The following WWOX variants were observed in gnomAD, a reference collection of about 807,000 sequenced individuals.
The protein encoded by WWOX is WW domain-containing oxidoreductase.
Under a neutral mutation model 46.2 loss-of-function variants are expected in WWOX, and 69 were observed. That is an observed-to-expected ratio of 1.49 (90% CI 1.23 to 1.82). The LOEUF (loss-of-function observed/expected upper bound fraction) is 1.82. Ranked by LOEUF, WWOX falls within the 40% of genes most tolerant of loss-of-function variation. The pLI is 0.00. For missense variants in WWOX, 919 were observed against 542.6 expected (o/e 1.69, Z -6.89); for synonymous variants, 359 against 202.6 (o/e 1.77, Z -6.56).
At chr16:78,338,966 T>C (rs1203295228) in intron 5 of WWOX, among the ~76,000 whole-genome samples, 1 of 121,184 alleles carries the variant, frequency 8.3e-6, no homozygotes, top group East Asian at 1.9e-4. Context: ...TTGGTCTTTA[T>C]ATATGTAGCT....
At chr16:78,732,714 T>C (rs1481429119) in intron 8 of WWOX, among the ~76,000 whole-genome samples, 2 of 152,108 alleles carry the variant, frequency 1.3e-5, no homozygotes, top group Non-Finnish European at 2.9e-5. Context: ...TTGACTCAAC[T>C]CCCTTGGTTA....
At chr16:78,541,935 G>A (rs1353412783) in intron 8 of WWOX, among the ~76,000 whole-genome samples, 1 of 142,666 alleles carries the variant, frequency 7.0e-6, no homozygotes, top group African/African-American at 2.6e-5. Context: ...GTAAGAATCA[G>A]TTGAGGACAG....
intron 5 of WWOX, among the ~76,000 whole-genome samples, chr16:78,297,747 AAG>A (rs1195525669): frequency 2.5e-4 from 38 of 152,190 alleles, no homozygotes; most frequent in Non-Finnish European, 5.9e-5. Context: ...TGGAATACAA[AAG>A]TCATGACCTG....
intron 8 of WWOX, among the ~76,000 whole-genome samples, chr16:78,464,575 G>A (rs2084028365): frequency 6.6e-6 from 1 of 152,160 alleles, no homozygotes; most frequent in African/African-American, 2.4e-5. Flanking sequence ...TTTCTAAAGG[G>A]TAAAGGTGCA....
intron 8 of WWOX, among the ~76,000 whole-genome samples, chr16:78,783,541 C>T (rs2050380656): frequency 6.6e-6 from 1 of 152,142 alleles, no homozygotes; most frequent in Non-Finnish European, 1.5e-5. Context: ...CCAGAATGGG[C>T]CTGTAAGAGG....
At chr16:79,207,832 C>A (rs2051570884) in intron 8 of WWOX, among the ~76,000 whole-genome samples, 1 of 151,932 alleles carries the variant, frequency 6.6e-6, no homozygotes, top group South Asian at 2.1e-4. Flanking sequence ...AACCTCTGTA[C>A]CCTTTCCTTT....
At chr16:78,482,459 GTGATC>G (rs2084518809) in intron 8 of WWOX, among the ~76,000 whole-genome samples, 1 of 152,126 alleles carries the variant, frequency 6.6e-6, no homozygotes, top group Admixed American at 6.5e-5. Context: ...CTCACTTCAG[GTGATC>G]TGACTGCCTT....
At chr16:78,864,226 A>T (rs1395473655) in intron 8 of WWOX, among the ~76,000 whole-genome samples, 1 of 152,000 alleles carries the variant, frequency 6.6e-6, no homozygotes, top group Admixed American at 6.6e-5. Flanking sequence ...TTGATGTTGG[A>T]TATCTGAAGA....
At chr16:78,908,401 G>C (rs187987550) in intron 8 of WWOX, among the ~76,000 whole-genome samples, 1 of 152,038 alleles carries the variant, frequency 6.6e-6, no homozygotes, top group Non-Finnish European at 1.5e-5. Flanking sequence ...TTAGCCAGGC[G>C]TAGTGGTAGG....
intron 8 of WWOX, among the ~76,000 whole-genome samples, chr16:78,821,450 T>C (rs1157518313): frequency 6.6e-6 from 1 of 152,170 alleles, no homozygotes; most frequent in East Asian, 1.9e-4. Context: ...ATAAAGTAGA[T>C]GAGTTTCAGG....
At chr16:78,600,110 T>C (rs2045585959) in intron 8 of WWOX, among the ~76,000 whole-genome samples, 1 of 151,728 alleles carries the variant, frequency 6.6e-6, no homozygotes, top group South Asian at 2.1e-4. Context: ...GCAGGGAAAC[T>C]CCCCCTTATA....
intron 8 of WWOX, among the ~76,000 whole-genome samples, chr16:78,961,365 G>C (rs539591969): frequency 6.6e-6 from 1 of 152,302 alleles, no homozygotes; most frequent in Non-Finnish European, 1.5e-5. Flanking sequence ...CTTGGTCTTT[G>C]ACCATCAAGG....
At chr16:78,524,655 G>A (rs1286421468) in intron 8 of WWOX, among the ~76,000 whole-genome samples, 3 of 151,526 alleles carry the variant, frequency 2.0e-5, no homozygotes, top group Non-Finnish European at 4.4e-5. Context: ...TCCTGACCTC[G>A]TGATCCACCC....
intron 8 of WWOX, among the ~76,000 whole-genome samples, chr16:78,794,360 A>G (rs1369003720): frequency 6.6e-6 from 1 of 152,162 alleles, no homozygotes; most frequent in Non-Finnish European, 1.5e-5. Flanking sequence ...GTTCTGGCTC[A>G]GGAAGCTGCC....
chr16:78,706,770 A>G (rs1345763343), intron 8 of WWOX, among the ~76,000 whole-genome samples: 1 of 152,160 alleles, frequency 6.6e-6, no homozygotes, highest in Non-Finnish European at 1.5e-5. Flanking sequence ...TCTTCCTGAC[A>G]GCTACCCTTG....
intron 8 of WWOX, among the ~76,000 whole-genome samples, chr16:78,893,506 A>G (rs1412625585): frequency 6.6e-6 from 1 of 152,200 alleles, no homozygotes; most frequent in Non-Finnish European, 1.5e-5. Context: ...GAGAAGGGTG[A>G]GGTCACTGCC....
At chr16:79,047,477 C>T (rs545181724) in intron 8 of WWOX, among the ~76,000 whole-genome samples, 52 of 152,180 alleles carry the variant, frequency 3.4e-4, no homozygotes, top group Non-Finnish European at 6.6e-4. Flanking sequence ...GAAAGCCTGG[C>T]ATATAGAAAT....
chr16:79,095,499 C>A (rs2049049743), intron 8 of WWOX, among the ~76,000 whole-genome samples: 1 of 152,134 alleles, frequency 6.6e-6, no homozygotes, highest in South Asian at 2.1e-4. Flanking sequence ...TGCCCTGGTC[C>A]ATCAGTCAGA....
chr16:79,068,606 C>A (rs564492683), intron 8 of WWOX, among the ~76,000 whole-genome samples: 1 of 151,708 alleles, frequency 6.6e-6, no homozygotes, highest in Non-Finnish European at 1.5e-5. Flanking sequence ...GAGTTCGAGA[C>A]CTGGGCAACA....
Sources: gnomAD v4.1 joint callset for allele counts (sites outside exome capture counted in the v4.1 genomes callset) on GRCh38, gnomAD v4.1.1 for gene constraint, MANE v1.5 for transcripts, NCBI Gene and HGNC (gene_info 2026-07-23, HGNC 2026-07-21) for gene names.